The following CLVS1 variants were observed in gnomAD, a reference collection of about 807,000 sequenced individuals.
The protein encoded by CLVS1 is clavesin 1.
In CLVS1, 10 loss-of-function variants were observed where a neutral mutation model predicts 33.1. That is an observed-to-expected ratio of 0.30 (90% CI 0.19 to 0.51). The LOEUF is 0.51. Among genes scored for constraint, CLVS1 ranks in the 20% least tolerant of loss-of-function variants. The probability of loss-of-function intolerance (pLI) is 0.97; values close to 1 mark genes in which losing one functional copy is unlikely to be tolerated. For missense variants in CLVS1, 343 were observed against 433.4 expected, an observed-to-expected ratio of 0.79 and a Z score of 1.85; for synonymous variants, 163 against 166.1, an observed-to-expected ratio of 0.98 and a Z score of 0.14.
At chr8:61,083,077 G>A (rs1226757335) in intron 1 of CLVS1, among the ~76,000 whole-genome samples, 1 of 152,148 alleles carries the variant, frequency 6.6e-6, no homozygotes, top group African/African-American at 2.4e-5. Context: ...TTCAAGAAGT[G>A]TGAAAATAAA....
intron 2 of CLVS1, among the ~76,000 whole-genome samples, chr8:61,138,563 T>C (rs889482813): frequency 1.5e-5 from 2 of 135,938 alleles, no homozygotes; most frequent in Admixed American, 1.5e-4. Context: ...GAGGGGAGGA[T>C]GGGCTTGGGA....
intron 3 of CLVS1, among the ~76,000 whole-genome samples, chr8:61,401,138 G>C (rs1205257620): frequency 6.6e-6 from 1 of 151,160 alleles, no homozygotes; most frequent in Non-Finnish European, 1.5e-5. Flanking sequence ...CTGAAACTTT[G>C]CTGAATTGAC....
upstream of CLVS1, among the ~76,000 whole-genome samples, chr8:61,055,415 C>T (rs1215960369): frequency 1.3e-5 from 2 of 152,184 alleles, no homozygotes; most frequent in Non-Finnish European, 2.9e-5. Flanking sequence ...TGCAATAAAA[C>T]TACATAAAAA....
intron 2 of CLVS1, among the ~76,000 whole-genome samples, chr8:61,306,804 A>G (rs1451674425): frequency 6.6e-6 from 1 of 152,216 alleles, no homozygotes; most frequent in Non-Finnish European, 1.5e-5. Flanking sequence ...TATCTTTGTC[A>G]GCATCTACAA....
At chr8:61,396,797 G>GCT (rs1814546101) in intron 3 of CLVS1, among the ~76,000 whole-genome samples, 1 of 152,126 alleles carries the variant, frequency 6.6e-6, no homozygotes. Context: ...ACAATATGCG[G>GCT]TCCTTTGTAA....
At chr8:61,126,946 A>G (rs1388495064) in intron 1 of CLVS1, among the ~76,000 whole-genome samples, 2 of 152,096 alleles carry the variant, frequency 1.3e-5, no homozygotes, top group Non-Finnish European at 2.9e-5. Context: ...TCGTCAACCA[A>G]TTTCTGTGTT....
At chr8:61,391,535 G>T (rs932703764) in intron 3 of CLVS1, among the ~76,000 whole-genome samples, 6 of 152,180 alleles carry the variant, frequency 3.9e-5, no homozygotes, top group African/African-American at 1.4e-4. Flanking sequence ...TCATAAAAAT[G>T]ATTTTTTTCT....
the CLVS1 span, chr8:60,967,847 C>T: frequency 1.8e-5 from 6 of 337,526 alleles, no homozygotes; most frequent in East Asian, 3.5e-4. Flanking sequence ...CCAATGAGAG[C>T]GGGTGACGTT....
At chr8:61,057,051 T>A (rs1034308888), upstream of CLVS1, 22 of 152,110 alleles carry the variant, frequency 1.4e-4, no homozygotes, top group African/African-American at 5.3e-4. Flanking sequence ...AATCAGAGGG[T>A]CTGAGGGTGA....
intron 5 of CLVS1, among the ~76,000 whole-genome samples, chr8:61,484,153 G>A (rs946451400): frequency 6.6e-6 from 1 of 152,150 alleles, no homozygotes; most frequent in Non-Finnish European, 1.5e-5. Context: ...AAGTCAAATT[G>A]TTCCTGTTTG....
At chr8:61,252,612 G>A (rs1563463576) in intron 2 of CLVS1, among the ~76,000 whole-genome samples, 1 of 152,158 alleles carries the variant, frequency 6.6e-6, no homozygotes, top group Non-Finnish European at 1.5e-5. Context: ...TGTATTGGGT[G>A]CATATATATT....
chr8:61,394,356 A>AT (rs1444436658), intron 3 of CLVS1, among the ~76,000 whole-genome samples: 1 of 152,178 alleles, frequency 6.6e-6, no homozygotes, highest in Non-Finnish European at 1.5e-5. Flanking sequence ...CAGGATAAGT[A>AT]TTCAGGTTCC....
intron 5 of CLVS1, 40 bp from the exon 6 acceptor site, chr8:61,499,415 A>T (rs377183270): frequency 7.0e-7 from 1 of 1,432,868 alleles, no homozygotes; most frequent in Non-Finnish European, 9.8e-7. Context: ...GTCACCATGA[A>T]TTGTTTGTAA....
At position 61,277,358 on chromosome 8, in the gene CLVS1, T is replaced by C. The variant is rs184360316; in HGVS notation, c.-151-22319T>C. 3.7e-3 allele frequency among the ~76,000 whole-genome samples: 571 copies of C among 152,334 alleles called. 2 individuals are homozygous for C. Among genetic ancestry groups the C allele is most frequent in the Non-Finnish European group, 5.9e-3 (399 of 68,020 alleles). On this transcript the variant is annotated intron_variant, in intron 2 of 2. Transcript: ENST00000522621. ...ACCTGCATTCAGGGCTTGTGTGGAC[T>C]TCTGCATAAGGTCCTGCTTCCTGAG...
Position 61,294,491 on chromosome 8 carries a change from T to G in CLVS1, c.-151-5186T>G, listed in dbSNP as rs186375739. 2.6e-5 allele frequency among the ~76,000 whole-genome samples: 4 copies of G among 152,258 alleles called. No homozygotes were observed. In the East Asian group the frequency reaches 7.7e-4, roughly 29 times the overall value. On this transcript the variant is annotated intron_variant, in intron 1 of 5. Coordinates refer to ENST00000325897, the MANE Select transcript of CLVS1 (RefSeq NM_173519.3). ...ACCTGGATACAGCATAATTATAATA[T>G]CAACAAGAATTTACAGTTAAAGTAA...
the CLVS1 span, among the ~76,000 whole-genome samples, chr8:61,014,467 G>A: frequency 2.6e-4 from 40 of 152,302 alleles, no homozygotes; most frequent in Non-Finnish European, 5.0e-4. Flanking sequence ...GGACTTCTAG[G>A]AATTAAAGGA....
chr8:61,448,208 T>C (rs1271940271), intron 3 of CLVS1, among the ~76,000 whole-genome samples: 1 of 152,142 alleles, frequency 6.6e-6, no homozygotes, highest in African/African-American at 2.4e-5. Flanking sequence ...ATAATTATGA[T>C]ATGTCTTGGC....
rs528620655 is a variant in CLVS1 at position 61,211,704 on chromosome 8, C to T, written c.-152+79844C>T. ...CCCCAAAGACATCTGCATCTTAAGC[C>T]GAGACTGGCTATGTTTCCTCTTACT... is the stretch of plus-strand genomic sequence containing the variant. On this transcript the variant is annotated intron_variant, in intron 2 of 2. Transcript: ENST00000522621. 1.6e-4 allele frequency among the ~76,000 whole-genome samples: 25 copies of T among 152,292 alleles called. No individual in the cohort carries two copies. In the South Asian group the frequency reaches 3.3e-3, roughly 20 times the overall value.
the CLVS1 span, among the ~76,000 whole-genome samples, chr8:61,007,633 A>G: frequency 4.6e-5 from 7 of 152,274 alleles, no homozygotes; most frequent in African/African-American, 1.7e-4. Context: ...ATGCTCTGTA[A>G]GGTCATCTCC....
Sources: gnomAD v4.1 joint callset for allele counts (sites outside exome capture counted in the v4.1 genomes callset) on GRCh38, gnomAD v4.1.1 for gene constraint, MANE v1.5 for transcripts, NCBI Gene and HGNC (gene_info 2026-07-23, HGNC 2026-07-21) for gene names.